Variants in OLA1 observed in about 807,000 individuals in gnomAD.
OLA1 encodes obg-like ATPase 1.
A neutral mutation model predicts 48.4 loss-of-function variants in OLA1; 14 were observed. The observed-to-expected ratio is 0.29, with a 90% CI of 0.19 to 0.45. The LOEUF is 0.45. Among genes scored for constraint, OLA1 ranks in the 20% least tolerant of loss-of-function variants. OLA1 has a pLI of 1.00. For synonymous variants in OLA1, 127 were observed against 150.4 expected (o/e 0.84, Z 1.14); for missense variants, 325 against 467.1 (o/e 0.70, Z 2.80).
At chr2:174,247,656 A>G in intron 1 of OLA1, 2 of 1,550,864 alleles carry the variant, frequency 1.3e-6, no homozygotes, top group South Asian at 1.2e-5. Context: ...TTTTTCACAT[A>G]GATGAACACC....
At chr2:174,226,566 C>T (rs900805261) in intron 3 of OLA1, among the ~76,000 whole-genome samples, 1 of 151,812 alleles carries the variant, frequency 6.6e-6, no homozygotes, top group African/African-American at 2.4e-5. Flanking sequence ...ATGGCGCCAT[C>T]TTGGCTCACT....
intron 2 of OLA1, among the ~76,000 whole-genome samples, chr2:174,246,160 C>T (rs755486869): frequency 4.6e-5 from 7 of 151,550 alleles, no homozygotes; most frequent in African/African-American, 1.5e-4. Flanking sequence ...ATTAGCTGGG[C>T]GTGGTGGTGC....
chr2:174,079,087 CTT>C lies in OLA1; in HGVS notation c.968_969del (p.Lys323ArgfsTer3), dbSNP rs1381065739. 3.2e-6 allele frequency: 5 copies of C among 1,581,248 alleles called. No homozygotes were observed. The highest frequency in any genetic ancestry group is 4.3e-6 in the Non-Finnish European group (5 of 1,167,516). On this transcript the variant is annotated frameshift_variant and splice_region_variant, in exon 10 of 11. Transcript: ENST00000284719. LOFTEE classifies it high-confidence loss of function. ...PDEVRAWTIR[K>X]GTKAPQAAGK... ...CCTGCAGCCTGAGGAGCCTTAGTCC[CTT>C]TCTTTGAAAAGAAAGACCAGAGAAA...
chr2:174,187,163 G>T (rs1281838972), intron 4 of OLA1, among the ~76,000 whole-genome samples: 7 of 152,132 alleles, frequency 4.6e-5, no homozygotes, highest in Admixed American at 3.9e-4. Context: ...TTAAAATTTT[G>T]TGGTAATAAA....
chr2:174,105,187 G>GA (rs1212136392), intron 7 of OLA1, among the ~76,000 whole-genome samples: 18 of 148,760 alleles, frequency 1.2e-4, no homozygotes, highest in South Asian at 2.1e-4. Context: ...TGTTGAAATA[G>GA]AAAAAAAAAG....
At chr2:174,183,716 C>T (rs966357635) in intron 4 of OLA1, among the ~76,000 whole-genome samples, 1 of 152,166 alleles carries the variant, frequency 6.6e-6, no homozygotes, top group Non-Finnish European at 1.5e-5. Flanking sequence ...GTCTCAGTTT[C>T]CTCATTTGTA....
chr2:174,192,767 T>C (rs1687800742), intron 4 of OLA1, among the ~76,000 whole-genome samples: 1 of 152,218 alleles, frequency 6.6e-6, no homozygotes, highest in African/African-American at 2.4e-5. Context: ...GGCACAGATT[T>C]CTGGGCTGAG....
chr2:174,214,265 AGAGG>A, intron 4 of OLA1, among the ~76,000 whole-genome samples: 1 of 152,274 alleles, frequency 6.6e-6, no homozygotes, highest in South Asian at 2.1e-4. Flanking sequence ...CCCAGGAGGC[AGAGG>A]TTGCAGTGAG....
chr2:174,188,379 A>ATAG (rs1333014860), intron 4 of OLA1, among the ~76,000 whole-genome samples: 1 of 151,434 alleles, frequency 6.6e-6, no homozygotes, highest in East Asian at 1.9e-4. Flanking sequence ...AAAAATAATA[A>ATAG]TAATAATAAT....
intron 4 of OLA1, among the ~76,000 whole-genome samples, chr2:174,150,426 T>C (rs1322040846): frequency 2.0e-5 from 3 of 152,320 alleles, no homozygotes; most frequent in South Asian, 4.1e-4. Flanking sequence ...TTCTTTTCTT[T>C]ATAAATTACT....
At chr2:174,162,612 T>C (rs1687036208) in intron 4 of OLA1, among the ~76,000 whole-genome samples, 1 of 152,226 alleles carries the variant, frequency 6.6e-6, no homozygotes, top group South Asian at 2.1e-4. Context: ...CAATAATATA[T>C]ACGTCTAAAT....
intron 7 of OLA1, among the ~76,000 whole-genome samples, chr2:174,101,015 G>A (rs576235051): frequency 6.6e-5 from 10 of 152,270 alleles, no homozygotes; most frequent in Admixed American, 6.5e-4. Flanking sequence ...ATATGAACAT[G>A]TTTCTATTTC....
At chr2:174,228,710 G>A (rs12468257) in intron 3 of OLA1, among the ~76,000 whole-genome samples, 19,401 of 152,038 alleles carry the variant, frequency 0.13, 1,443 homozygotes, top group East Asian at 0.21. Flanking sequence ...ATAATCATCA[G>A]TCTATGATCA....
At chr2:174,123,336 C>A (rs1004601468) in intron 6 of OLA1, 59 bp from the exon 7 acceptor site, 38 of 772,272 alleles carry the variant, frequency 4.9e-5, no homozygotes, top group Non-Finnish European at 7.2e-5. Context: ...TGGAGTAAAT[C>A]ACTGAAGAAT....
At chr2:174,149,397 C>T (rs776613473) in intron 4 of OLA1, among the ~76,000 whole-genome samples, 31 of 152,118 alleles carry the variant, frequency 2.0e-4, no homozygotes, top group Non-Finnish European at 1.5e-4. Flanking sequence ...TCTTCTCTTA[C>T]CCCTCTATTA....
chr2:174,226,813 C>T (rs1458673738), intron 3 of OLA1, among the ~76,000 whole-genome samples: 1 of 152,048 alleles, frequency 6.6e-6, no homozygotes, highest in Non-Finnish European at 1.5e-5. Flanking sequence ...TAATGTTCTT[C>T]AATAGAAACA....
At chr2:174,101,626 T>C (rs901543971) in intron 7 of OLA1, among the ~76,000 whole-genome samples, 1 of 152,178 alleles carries the variant, frequency 6.6e-6, no homozygotes, top group African/African-American at 2.4e-5. Context: ...GATTCTGACA[T>C]GAGAAAATGG....
At chr2:174,098,471 GTTTTACAAAAAGAA>G (rs1178170120) in intron 7 of OLA1, among the ~76,000 whole-genome samples, 1 of 152,212 alleles carries the variant, frequency 6.6e-6, no homozygotes, top group African/African-American at 2.4e-5. Flanking sequence ...ATAGCTTATA[GTTTTACAAAAAGAA>G]TTTTACAAAA....
At chr2:174,222,498 T>C (rs1005263999) in intron 4 of OLA1, among the ~76,000 whole-genome samples, 12 of 152,214 alleles carry the variant, frequency 7.9e-5, no homozygotes, top group Non-Finnish European at 1.3e-4. Context: ...CTCACTTTTA[T>C]AGTCAGTCAA....
Sources: gnomAD v4.1 joint callset for allele counts (sites outside exome capture counted in the v4.1 genomes callset) on GRCh38, gnomAD v4.1.1 for gene constraint, MANE v1.5 for transcripts, NCBI Gene and HGNC (gene_info 2026-07-23, HGNC 2026-07-21) for gene names.